Variants in ZBTB14 observed in about 807,000 individuals in gnomAD.
ZBTB14 encodes zinc finger and BTB domain-containing protein 14.
A neutral mutation model predicts 29.5 loss-of-function variants in ZBTB14; 8 were observed. The ratio of observed to expected loss-of-function variants is 0.27; its 90% confidence interval spans 0.16 to 0.49. The LOEUF (loss-of-function observed/expected upper bound fraction) is 0.49. Among genes scored for constraint, ZBTB14 ranks in the 20% least tolerant of loss-of-function variants. ZBTB14 has a pLI of 0.99. For synonymous variants in ZBTB14, 226 were observed against 207.2 expected, an observed-to-expected ratio of 1.09 and a Z score of -0.78; for missense variants, 333 against 563.8, an observed-to-expected ratio of 0.59 and a Z score of 4.15.
At chr18:5,294,441 G>A (rs1257159382) in intron 1 of ZBTB14, among the ~76,000 whole-genome samples, 1 of 152,128 alleles carries the variant, frequency 6.6e-6, no homozygotes, top group Non-Finnish European at 1.5e-5. Flanking sequence ...CCTTAGACTA[G>A]CTATGACAAC....
chr18:5,294,942 G>C (rs1278025623), intron 1 of ZBTB14: 2 of 152,258 alleles, frequency 1.3e-5, no homozygotes, highest in African/African-American at 2.4e-5. Context: ...AAGGCGTATC[G>C]AGTCCTCCCT....
Position 5,291,118 on chromosome 18 carries a change from G to C in ZBTB14, c.1090C>G (p.His364Asp). 1.2e-6 allele frequency: 2 copies of C among 1,614,238 alleles called. No individual in the cohort carries two copies. The highest frequency in any genetic ancestry group is 1.7e-6 in the Non-Finnish European group (2 of 1,180,052). Residue 364 changes from histidine (H) to aspartate (D), a missense_variant, in exon 4 of 4, where the codon CAC becomes GAC. Physicochemically the swap from His to Asp is moderately conservative, Grantham distance 81 (BLOSUM62 -1). This residue lies in a region of ZBTB14 where 140 missense variants were observed against 274.6 expected (regional missense o/e 0.51). Transcript: ENST00000651870. The surrounding 1 kb of genome is among the most constrained non-coding windows in gnomAD (Gnocchi z 5.8). ...VHSNERPFAC[H>D]MCDKAFKHKS... ...TGTTTGAAGGCTTTGTCACACATGT[G>C]GCACGCAAACGGTCTTTCATTACTG...
chr18:5,291,940 G>A lies in ZBTB14; in HGVS notation c.268C>T (p.Leu90=), dbSNP rs755895516. Reference sequence around the variant, plus strand: ...ATCTTTGCTGTGTACATGTAGTTCAGGACCTCTTCAAATATATCAGAACGA... The same window carrying A: ...ATCTTTGCTGTGTACATGTAGTTCAAGACCTCTTCAAATATATCAGAACGA... The part of the protein sequence containing the change: ...FLRSDIFEEV[L]NYMYTAKISV... Residue 90 remains leucine, a synonymous_variant, in exon 4 of 4, where the codon CTG becomes TTG. Coordinates refer to ENST00000651870, the MANE Select transcript of ZBTB14 (RefSeq NM_001243702.2). This position sits in a 1 kb window ranked among gnomAD's most constrained non-coding sequence, Gnocchi z 5.8. 1.9e-6 allele frequency: 3 copies of A among 1,614,092 alleles called. No individual in the cohort carries two copies. The highest frequency in any genetic ancestry group is 2.2e-5 in the East Asian group (1 of 44,884).
In ZBTB14 at chr18:5,291,608, C is replaced by T. The variant is rs771193837; in HGVS notation, c.600G>A (p.Ala200=). Residue 200 remains alanine (A), a synonymous_variant, in exon 4 of 4, where the codon GCG becomes GCA. Coordinates refer to ENST00000651870, the MANE Select transcript of ZBTB14 (RefSeq NM_001243702.2). The surrounding 1 kb of genome is among the most constrained non-coding windows in gnomAD (Gnocchi z 5.8). ...SPTTTLRVQE[A]ILKELGSEEV... The stretch of plus-strand genomic sequence containing the variant: ...CCTCACTCCCCAGCTCTTTCAGGAT[C>T]GCTTCCTGAACCCTGAGCGTTGTGG... 8.1e-6 allele frequency: 13 copies of T among 1,613,688 alleles called. No individual in the cohort carries two copies. In the East Asian group the frequency reaches 2.2e-4, roughly 28 times the overall value.
rs2071795635 is a variant in ZBTB14 at position 5,290,826 on chromosome 18, T to C, written c.*32A>G. ...TGATCCACGTCATCTCAGTCTCCAC[T>C]TTCCAGGCAAAGTGTCCCTGTCCCA... is the stretch of plus-strand genomic sequence containing the variant. On this transcript the variant is annotated 3_prime_UTR_variant, in exon 4 of 4. Transcript: ENST00000651870. The C allele has an allele frequency of 6.3e-7, 1 of 1,593,250 alleles. No individual in the cohort carries two copies. Among genetic ancestry groups the C allele is most frequent in the Non-Finnish European group, 8.5e-7 (1 of 1,170,248 alleles).
chr18:5,294,828 C>T (rs2071906400), intron 1 of ZBTB14: 1 of 152,212 alleles, frequency 6.6e-6, no homozygotes, highest in South Asian at 2.1e-4. Flanking sequence ...CCTCCCCTGC[C>T]CCGGGCAGCC....
In ZBTB14 at chr18:5,293,967, C is replaced by T. The variant is rs2071879941; in HGVS notation, c.-82+5G>A. ...TTCAGCTTTTTTGTGAGTTTTAACTCTTACCGGAAGAACTCCATCCTGCAG... is the reference window on the plus strand; with the variant it reads ...TTCAGCTTTTTTGTGAGTTTTAACTTTTACCGGAAGAACTCCATCCTGCAG... On this transcript the variant is annotated splice_donor_5th_base_variant and intron_variant, in intron 2 of 3. Coordinates refer to ENST00000651870, the MANE Select transcript of ZBTB14 (RefSeq NM_001243702.2). 6.6e-6 allele frequency: 1 copy of T among 152,316 alleles called. No homozygotes were observed. Among genetic ancestry groups the T allele is most frequent in the East Asian group, 1.9e-4 (1 of 5,184 alleles). 9.4% of individuals were successfully genotyped at this position (152,316 alleles called of 1,614,324 possible).
intron 3 of ZBTB14, among the ~76,000 whole-genome samples, chr18:5,292,752 T>G (rs1391510458): frequency 2.0e-5 from 3 of 152,242 alleles, no homozygotes. Context: ...TTATACCTCC[T>G]TGACAGAAGG....
upstream of ZBTB14, among the ~76,000 whole-genome samples, chr18:5,296,609 C>T (rs941490709): frequency 6.6e-6 from 1 of 152,110 alleles, no homozygotes; most frequent in Non-Finnish European, 1.5e-5. Flanking sequence ...GGTCTTGCCT[C>T]TTGCCGCCGG....
chr18:5,291,898 C>G lies in ZBTB14; in HGVS notation c.310G>C (p.Asp104His). The G allele has an allele frequency of 1.2e-6, 2 of 1,614,172 alleles. No homozygotes were observed. The highest frequency in any genetic ancestry group is 1.7e-6 in the Non-Finnish European group (2 of 1,180,016). Reference protein sequence around the residue: ...YTAKISVKKEDVNLMMSSGQI... With the variant: ...YTAKISVKKEHVNLMMSSGQI... The stretch of plus-strand genomic sequence containing the variant: ...CCCGATGACATCATTAAGTTAACAT[C>G]TTCTTTTTTCACGGAAATCTTTGCT... Residue 104 changes from aspartate (D) to histidine (H), a missense_variant, in exon 4 of 4, where the codon GAT (aspartate) becomes CAT (histidine). By Grantham distance (81) the Asp-to-His change is moderately conservative. This residue lies in a region of ZBTB14 where 67 missense variants were observed against 157.0 expected (regional missense o/e 0.43). Coordinates refer to ENST00000651870, the MANE Select transcript of ZBTB14 (RefSeq NM_001243702.2). This position sits in a 1 kb window ranked among gnomAD's most constrained non-coding sequence, Gnocchi z 5.8.
chr18:5,295,204 C>T (rs898704095), intron 1 of ZBTB14, among the ~76,000 whole-genome samples: 1 of 144,604 alleles, frequency 6.9e-6, no homozygotes, highest in Non-Finnish European at 1.5e-5. Context: ...CGCCGCGCCC[C>T]GCTCCGCCCG....
rs992335293 is a variant in ZBTB14 at position 5,289,994 on chromosome 18, A to C, written c.*864T>G. 1 of 152,234 alleles carries C rather than the reference A, an allele frequency of 6.6e-6. No individual in the cohort carries two copies. The highest frequency in any genetic ancestry group is 1.5e-5 in the Non-Finnish European group (1 of 68,050). The allele number at this position is 152,234 out of a possible 1,614,324, so 9.4% of individuals were successfully genotyped here. A position where few individuals can be genotyped will look rare whatever the true frequency, so the allele number is the denominator to read the frequency against. On this transcript the variant is annotated 3_prime_UTR_variant, in exon 4 of 4. Coordinates refer to ENST00000651870, the MANE Select transcript of ZBTB14 (RefSeq NM_001243702.2). ...TTCTAAATAAAAATCCAATTTCAAA[A>C]TCAATTAAGATTTTAATCTAGGAAA... is the stretch of plus-strand genomic sequence containing the variant.
At chr18:5,295,089 T>C (rs918588738) in intron 1 of ZBTB14, among the ~76,000 whole-genome samples, 1 of 150,942 alleles carries the variant, frequency 6.6e-6, no homozygotes, top group African/African-American at 2.4e-5. Flanking sequence ...AGCGCAGGCT[T>C]GGGACCGCGG....
Position 5,293,229 on chromosome 18 carries a change from C to G in ZBTB14, c.3+15G>C. 3 of 1,611,780 alleles carry G rather than the reference C, an allele frequency of 1.9e-6. No homozygotes were observed. Among genetic ancestry groups the G allele is most frequent in the Non-Finnish European group, 2.5e-6 (3 of 1,179,156 alleles). On this transcript the variant is annotated intron_variant, in intron 3 of 3. Coordinates refer to ENST00000651870, the MANE Select transcript of ZBTB14 (RefSeq NM_001243702.2). ...GTCATTTTCATCAAGATTTAATATCCAAAGTTATAGTTACCATGAACAACT... is the reference window on the plus strand; with the variant it reads ...GTCATTTTCATCAAGATTTAATATCGAAAGTTATAGTTACCATGAACAACT...
In ZBTB14 at chr18:5,290,868, G is replaced by A. The variant is rs772807095; in HGVS notation, c.1340C>T (p.Ala447Val). The A allele has an allele frequency of 6.2e-7, 1 of 1,613,996 alleles. No individual in the cohort carries two copies. Among genetic ancestry groups the A allele is most frequent in the South Asian group, 1.1e-5 (1 of 91,066 alleles). Reference protein sequence around the residue: ...AEAEQQLETIACS With the variant: ...AEAEQQLETIVCS ...CCTGTCCCACCGCCTCTAGCTACAG[G>A]CTATCGTCTCCAGCTGCTGTTCTGC... is the stretch of plus-strand genomic sequence containing the variant. Residue 447 changes from alanine (A) to valine (V), a missense_variant, in exon 4 of 4, where the codon GCC (alanine) becomes GTC (valine). Transcript: ENST00000651870.
Position 5,290,897 on chromosome 18 carries a change from C to T in ZBTB14, c.1311G>A (p.Ala437=), listed in dbSNP as rs147690280. Residue 437 remains alanine, a synonymous_variant, in exon 4 of 4, where the codon GCG becomes GCA. Transcript: ENST00000651870. The part of the protein sequence containing the change: ...TEQLQAAAMA[A]EAEQQLETIA... ...TCGTCTCCAGCTGCTGTTCTGCTTC[C>T]GCAGCCATCGCTGCCGCCTGCAACT... The T allele has an allele frequency of 1.2e-5, 20 of 1,614,142 alleles. No homozygotes were observed. In the African/African-American group the frequency reaches 1.6e-4, roughly 13 times the overall value.
Position 5,292,073 on chromosome 18 carries a change from C to A in ZBTB14, c.135G>T (p.Val45=). 3 of 1,611,262 alleles carry A rather than the reference C, an allele frequency of 1.9e-6. No homozygotes were observed. Among genetic ancestry groups the A allele is most frequent in the Non-Finnish European group, 2.5e-6 (3 of 1,179,986 alleles). Residue 45 remains valine, a synonymous_variant, in exon 4 of 4, where the codon GTG becomes GTT. Coordinates refer to ENST00000651870, the MANE Select transcript of ZBTB14 (RefSeq NM_001243702.2). ...FCDIAIVVED[V]KFRAHRCVLA... ...GAACACATCTGTGTGCTCTGAATTTCACATCCTCAACCACAATAGCAATAT... is the reference window on the plus strand; with the variant it reads ...GAACACATCTGTGTGCTCTGAATTTAACATCCTCAACCACAATAGCAATAT...
chr18:5,289,031 A>G lies in ZBTB14; in HGVS notation c.*1827T>C, dbSNP rs546194160. On this transcript the variant is annotated 3_prime_UTR_variant, in exon 4 of 4. Transcript: ENST00000651870. ...ATGAAAAGAGGAATGATAGAAGTAT[A>G]TTTTCTTTTATATACAAAAAATGAA... The G allele has an allele frequency of 6.6e-5, 10 of 152,160 alleles. No homozygotes were observed. The highest frequency in any genetic ancestry group is 1.2e-4 in the Non-Finnish European group (8 of 68,028). The allele number at this position is 152,160 out of a possible 1,614,324, so 9.4% of individuals were successfully genotyped here.
upstream of ZBTB14, among the ~76,000 whole-genome samples, chr18:5,296,407 C>T (rs981590930): frequency 2.0e-5 from 3 of 150,084 alleles, no homozygotes; most frequent in African/African-American, 4.9e-5. Flanking sequence ...CGCCCGGCGC[C>T]GGCGCAGCGC....
Sources: allele counts gnomAD v4.1 joint callset (sites outside exome capture counted in the v4.1 genomes callset), GRCh38; gene constraint gnomAD v4.1.1; regional missense constraint gnomAD v4.1.1; non-coding constraint Gnocchi (gnomAD v3.1); transcripts MANE v1.5; gene names NCBI Gene and HGNC (gene_info 2026-07-23, HGNC 2026-07-21).